The following PTPRD variants were observed in gnomAD, a reference collection of about 807,000 sequenced individuals.
PTPRD encodes the protein protein tyrosine phosphatase receptor type D.
A neutral mutation model predicts 214.5 loss-of-function variants in PTPRD; 34 were observed. That is an observed-to-expected ratio of 0.16 (90% CI 0.12 to 0.21). The LOEUF is 0.21. Among genes scored for constraint, PTPRD ranks in the 10% least tolerant of loss-of-function variants. The pLI, the probability that PTPRD is intolerant of heterozygous loss-of-function variation, is 1.00. For missense variants in PTPRD, 2,545 were observed against 2,398.7 expected (o/e 1.06, Z -1.27); for synonymous variants, 1,128 against 845.7 (o/e 1.33, Z -5.79).
intron 2 of PTPRD, among the ~76,000 whole-genome samples, chr9:10,453,589 A>AT (rs752685160): frequency 4.6e-5 from 7 of 151,568 alleles, no homozygotes; most frequent in Admixed American, 3.9e-4. Flanking sequence ...TTTTAAAATT[A>AT]TTTTTCAGGC....
intron 11 of PTPRD, among the ~76,000 whole-genome samples, chr9:8,877,467 G>A (rs7028784): frequency 0.29 from 44,253 of 151,968 alleles, 6,888 homozygotes; most frequent in Non-Finnish European, 0.34. Flanking sequence ...TACCGTGAAG[G>A]AATTCAGAGC....
chr9:10,512,463 T>C (rs1481662571), intron 2 of PTPRD, among the ~76,000 whole-genome samples: 1 of 152,078 alleles, frequency 6.6e-6, no homozygotes, highest in Non-Finnish European at 1.5e-5. Flanking sequence ...GAAGATGCTA[T>C]ACAGAGAGAT....
chr9:8,428,662 G>A (rs1344268664), intron 35 of PTPRD, among the ~76,000 whole-genome samples: 1 of 151,922 alleles, frequency 6.6e-6, no homozygotes, highest in Non-Finnish European at 1.5e-5. Context: ...TTCGAAGTTG[G>A]CCAAAAAAAA....
At chr9:9,208,887 A>C (rs1333777935) in intron 9 of PTPRD, among the ~76,000 whole-genome samples, 1 of 151,736 alleles carries the variant, frequency 6.6e-6, no homozygotes, top group Non-Finnish European at 1.5e-5. Context: ...GGCTCACTGC[A>C]AGCTCCACTT....
At chr9:9,459,336 G>A (rs977600424) in intron 8 of PTPRD, among the ~76,000 whole-genome samples, 15 of 152,056 alleles carry the variant, frequency 9.9e-5, no homozygotes, top group Non-Finnish European at 2.1e-4. Flanking sequence ...TAAAATAGTA[G>A]TGGAAATACT....
At chr9:8,537,226 T>G (rs949379855) in intron 14 of PTPRD, among the ~76,000 whole-genome samples, 6 of 151,968 alleles carry the variant, frequency 3.9e-5, no homozygotes, top group African/African-American at 1.4e-4. Flanking sequence ...TCTAGCAAAG[T>G]TGGGCTCTTG....
At chr9:10,342,767 T>C (rs754230045) in intron 2 of PTPRD, among the ~76,000 whole-genome samples, 2 of 152,086 alleles carry the variant, frequency 1.3e-5, no homozygotes, top group African/African-American at 4.8e-5. Flanking sequence ...AGTTAAGCAA[T>C]CCCTTGGACT....
chr9:9,992,709 C>G (rs572855769), intron 4 of PTPRD, among the ~76,000 whole-genome samples: 2 of 152,026 alleles, frequency 1.3e-5, no homozygotes, highest in Non-Finnish European at 2.9e-5. Context: ...GACAGAAAAC[C>G]AAACACTGCA....
chr9:8,768,876 A>G (rs1054622356), intron 11 of PTPRD, among the ~76,000 whole-genome samples: 10 of 152,202 alleles, frequency 6.6e-5, no homozygotes, highest in Admixed American at 6.5e-4. Context: ...TAATCATTAA[A>G]CAGTTTGCAA....
chr9:9,546,511 C>T (rs1201555496), intron 8 of PTPRD, among the ~76,000 whole-genome samples: 1 of 151,380 alleles, frequency 6.6e-6, no homozygotes, highest in East Asian at 1.9e-4. Context: ...TTGTTCTTTT[C>T]TATGTATTTA....
rs186422948 is a variant in PTPRD at position 10,201,897 on chromosome 9, A to T, written c.-545+139066T>A. On this transcript the variant is annotated intron_variant, in intron 3 of 45. Coordinates refer to ENST00000381196, the MANE Select transcript of PTPRD (RefSeq NM_002839.4). ...AATTTGAGAGGTACAATTTTCAGTA[A>T]ACTTTTTTTTTTCCAGTGTGTTTTT... 6.8e-3 allele frequency among the ~76,000 whole-genome samples: 988 copies of T among 144,574 alleles called. 7 individuals carry two copies. Among genetic ancestry groups the T allele is most frequent in the South Asian group, 0.037 (179 of 4,778 alleles). The allele number at this position is 144,574 out of a possible 152,430, so 94.8% of individuals were successfully genotyped here.
chr9:10,540,175 G>A (rs941845749), intron 2 of PTPRD, among the ~76,000 whole-genome samples: 21 of 152,114 alleles, frequency 1.4e-4, no homozygotes, highest in South Asian at 4.2e-4. Context: ...GACAACTGGC[G>A]TGCACCACTA....
At chr9:9,541,780 A>C (rs2077637139) in intron 8 of PTPRD, among the ~76,000 whole-genome samples, 1 of 151,828 alleles carries the variant, frequency 6.6e-6, no homozygotes, top group East Asian at 1.9e-4. Context: ...TTCCAGAGTA[A>C]GTCAGTGGTC....
chr9:8,558,791 G>A (rs531526307), intron 14 of PTPRD, among the ~76,000 whole-genome samples: 31 of 152,078 alleles, frequency 2.0e-4, no homozygotes, highest in African/African-American at 6.3e-4. Flanking sequence ...CTTATCTTAC[G>A]TGTAATCATG....
chr9:10,284,821 C>G (rs959381744), intron 3 of PTPRD, among the ~76,000 whole-genome samples: 1 of 152,134 alleles, frequency 6.6e-6, no homozygotes, highest in African/African-American at 2.4e-5. Context: ...AGTCTCTTCT[C>G]TTTGGAATCC....
At chr9:10,033,228 A>G (rs1490617179) in intron 4 of PTPRD, among the ~76,000 whole-genome samples, 1 of 151,818 alleles carries the variant, frequency 6.6e-6, no homozygotes, top group South Asian at 2.1e-4. Context: ...TGATACCAAG[A>G]AATACTAATG....
chr9:8,321,570 A>C (rs989101570), intron 44 of PTPRD, among the ~76,000 whole-genome samples: 2 of 144,620 alleles, frequency 1.4e-5, no homozygotes, highest in Admixed American at 1.4e-4. Context: ...ATACTAAAGG[A>C]ATATTAAAAT....
At chr9:10,394,337 G>A (rs942155) in intron 2 of PTPRD, among the ~76,000 whole-genome samples, 1 of 150,640 alleles carries the variant, frequency 6.6e-6, no homozygotes, top group African/African-American at 2.4e-5. Flanking sequence ...TAGTAACTTA[G>A]ATATAATTTA....
chr9:8,405,079 C>T (rs1226425483), intron 35 of PTPRD, among the ~76,000 whole-genome samples: 1 of 152,136 alleles, frequency 6.6e-6, no homozygotes, highest in Admixed American at 6.5e-5. Flanking sequence ...TTTAAGTTAA[C>T]TGGTCTTTCA....
Sources: gnomAD v4.1 joint callset for allele counts (sites outside exome capture counted in the v4.1 genomes callset) on GRCh38, gnomAD v4.1.1 for gene constraint, MANE v1.5 for transcripts, NCBI Gene and HGNC (gene_info 2026-07-23, HGNC 2026-07-21) for gene names.